CDC27: variants seen among roughly 807,000 people sequenced by gnomAD.
CDC27 encodes cell division cycle protein 27 homolog.
CDC27 carries 27 observed loss-of-function variants against 109.7 expected under a neutral mutation model. The ratio of observed to expected loss-of-function variants is 0.25; its 90% CI spans 0.18 to 0.34. The LOEUF (loss-of-function observed/expected upper bound fraction) is 0.34, where lower values mean the gene tolerates loss of function less well. CDC27 is among the 10% of genes least tolerant of loss of function. The pLI is 1.00. For missense variants in CDC27, 579 were observed against 960.2 expected (o/e 0.60, Z 5.25); for synonymous variants, 266 against 333.9 (o/e 0.80, Z 2.22).
chr17:47,173,489 T>C (rs184453501), intron 2 of CDC27, among the ~76,000 whole-genome samples: 212 of 152,310 alleles, frequency 1.4e-3, no homozygotes, highest in African/African-American at 4.8e-3. Context: ...GATTTTACAA[T>C]GGTCTGGTTT....
chr17:47,165,012 G>C (rs1166165815), intron 4 of CDC27, among the ~76,000 whole-genome samples: 1 of 152,086 alleles, frequency 6.6e-6, no homozygotes, highest in Admixed American at 6.6e-5. Flanking sequence ...AACCCAACCT[G>C]AGAACCACTG....
At chr17:47,125,235 CTTTTTTTTTTTTTTT>C (rs58631604) in intron 16 of CDC27, among the ~76,000 whole-genome samples, 155 of 48,050 alleles carry the variant, frequency 3.2e-3, no homozygotes, top group Middle Eastern at 0.016. Context: ...TTAAAGAAAT[CTTTTTTTTTTTTTTT>C]TTTTTTTTTT....
chr17:47,141,186 G>T (rs920594026), intron 12 of CDC27, among the ~76,000 whole-genome samples: 2 of 152,050 alleles, frequency 1.3e-5, no homozygotes, highest in Non-Finnish European at 2.9e-5. Flanking sequence ...AGCAAAAAAC[G>T]AATCATATCA....
At chr17:47,184,926 C>A (rs577884995) in intron 1 of CDC27, among the ~76,000 whole-genome samples, 2 of 152,070 alleles carry the variant, frequency 1.3e-5, no homozygotes, top group African/African-American at 2.4e-5. Context: ...GCCAGATGAA[C>A]GAAATGCTGC....
At chr17:47,156,609 A>C in intron 7 of CDC27, 1 of 173,140 alleles carries the variant, frequency 5.8e-6, no homozygotes, top group African/African-American at 2.4e-5. Flanking sequence ...CACCATGCCC[A>C]GCTAATTTTT....
intron 2 of CDC27, among the ~76,000 whole-genome samples, chr17:47,176,790 A>G (rs1227474981): frequency 6.6e-6 from 1 of 152,216 alleles, no homozygotes; most frequent in Non-Finnish European, 1.5e-5. Flanking sequence ...TGAAACATCC[A>G]AGTTAATTCA....
chr17:47,148,673 A>C (rs1167142215), intron 9 of CDC27, among the ~76,000 whole-genome samples: 1 of 152,220 alleles, frequency 6.6e-6, no homozygotes, highest in African/African-American at 2.4e-5. Flanking sequence ...GAAACAGAGA[A>C]AAGACATATT....
At chr17:47,142,051 A>G in intron 11 of CDC27, 26 bp from the exon 12 acceptor site, 1 of 1,531,830 alleles carries the variant, frequency 6.5e-7, no homozygotes, top group Non-Finnish European at 8.8e-7. Context: ...ATAGTAAACA[A>G]AGGAAAAAAC....
In CDC27 at chr17:47,123,974, A is replaced by G; in HGVS notation, c.2161-14T>C. On this transcript the variant is annotated splice_polypyrimidine_tract_variant and intron_variant, in intron 16 of 18. Coordinates refer to ENST00000066544, the MANE Select transcript of CDC27 (RefSeq NM_001256.6). ...TTGTAAAGCAGACTGAAAAAGGCAAAGAAAAACCTTAAAGTAGCAAAAATT... is the reference window on the plus strand; with the variant it reads ...TTGTAAAGCAGACTGAAAAAGGCAAGGAAAAACCTTAAAGTAGCAAAAATT... The G allele has an allele frequency of 6.4e-7, 1 of 1,569,790 alleles. No homozygotes were observed. Among genetic ancestry groups the G allele is most frequent in the Non-Finnish European group, 8.6e-7 (1 of 1,165,750 alleles).
rs958540254 is a variant in CDC27 at position 47,118,620 on chromosome 17, C to T, written c.*2315G>A. On this transcript the variant is annotated 3_prime_UTR_variant, in exon 19 of 19. Transcript: ENST00000066544. ...GTGAAACAGAGAAAAGGATGTCAAACTACTTAATTTAATTTCTGTAAAATA... is the reference window on the plus strand; with the variant it reads ...GTGAAACAGAGAAAAGGATGTCAAATTACTTAATTTAATTTCTGTAAAATA... 1.3e-5 allele frequency: 2 copies of T among 152,412 alleles called. No homozygotes were observed. Among genetic ancestry groups the T allele is most frequent in the African/African-American group, 4.8e-5 (2 of 41,298 alleles). 9.4% of individuals were successfully genotyped at this position (152,412 alleles called of 1,614,324 possible).
chr17:47,133,052 C>CACACACACACACACACAT, intron 14 of CDC27, among the ~76,000 whole-genome samples: 1 of 70,686 alleles, frequency 1.4e-5, no homozygotes, highest in East Asian at 4.7e-4. Context: ...CACACACACA[C>CACACACACACACACACAT]ACATACATAT....
chr17:47,176,920 T>G (rs952680921), intron 2 of CDC27, among the ~76,000 whole-genome samples: 8 of 152,214 alleles, frequency 5.3e-5, no homozygotes, highest in African/African-American at 1.9e-4. Context: ...AAATAAGTTT[T>G]TTTTTATATG....
At chr17:47,122,677 T>C in intron 17 of CDC27, 77 bp from the exon 18 acceptor site, 4 of 1,019,376 alleles carry the variant, frequency 3.9e-6, no homozygotes, top group Admixed American at 3.5e-5. Flanking sequence ...TATATATACT[T>C]ATTTATTTAT....
chr17:47,173,708 G>T (rs2063888989), intron 2 of CDC27, among the ~76,000 whole-genome samples: 1 of 152,182 alleles, frequency 6.6e-6, no homozygotes, highest in African/African-American at 2.4e-5. Flanking sequence ...TAATTTTAGT[G>T]TAATACTGCA....
chr17:47,137,068 T>C (rs74648663), intron 14 of CDC27, 84 bp downstream of exon 14: 1 of 674,682 alleles, frequency 1.5e-6, no homozygotes, highest in Admixed American at 3.5e-5. Flanking sequence ...AAATTCATGA[T>C]AATAAAGAGC....
intron 16 of CDC27, among the ~76,000 whole-genome samples, chr17:47,127,714 G>GT (rs2062189272): frequency 1.3e-5 from 2 of 149,590 alleles, no homozygotes; most frequent in Non-Finnish European, 3.0e-5. Flanking sequence ...TTTTTTTTTT[G>GT]TTTTTTAAGA....
chr17:47,175,987 C>G (rs1350010830), intron 2 of CDC27, among the ~76,000 whole-genome samples: 1 of 151,978 alleles, frequency 6.6e-6, no homozygotes, highest in African/African-American at 2.4e-5. Flanking sequence ...CTTCTCTGAC[C>G]CTCATTTTTT....
intron 2 of CDC27, among the ~76,000 whole-genome samples, chr17:47,176,549 C>A (rs2064016616): frequency 1.3e-5 from 2 of 152,054 alleles, no homozygotes; most frequent in Non-Finnish European, 2.9e-5. Flanking sequence ...GTGTTTGAGG[C>A]AGAAAATGGC....
At chr17:47,184,879 C>G (rs963720129) in intron 1 of CDC27, among the ~76,000 whole-genome samples, 8 of 152,190 alleles carry the variant, frequency 5.3e-5, no homozygotes. Flanking sequence ...CTTAAAAGAA[C>G]ACCCAGTGCA....
Sources: allele counts gnomAD v4.1 joint callset (sites outside exome capture counted in the v4.1 genomes callset), GRCh38; gene constraint gnomAD v4.1.1; transcripts MANE v1.5; gene names NCBI Gene and HGNC (gene_info 2026-07-23, HGNC 2026-07-21).